The following CAMK4 variants were observed in gnomAD, a reference collection of about 807,000 sequenced individuals.
The protein encoded by CAMK4 is calcium/calmodulin-dependent protein kinase type IV.
In CAMK4, 22 loss-of-function variants were observed where a neutral mutation model predicts 44.9. That is an observed-to-expected ratio of 0.49 (90% CI 0.35 to 0.70). The LOEUF (loss-of-function observed/expected upper bound fraction) is 0.70. Ranked by LOEUF, CAMK4 falls within the 30% of genes least tolerant of loss-of-function variation. CAMK4 has a pLI of 0.01. For missense variants in CAMK4, 498 were observed against 586.8 expected (o/e 0.85, Z 1.56); for synonymous variants, 218 against 215.4 (o/e 1.01, Z -0.11).
At position 111,338,725 on chromosome 5, in the gene CAMK4, T is replaced by C. The variant is rs151212355; in HGVS notation, c.162-5299T>C. On this transcript the variant is annotated intron_variant, in intron 1 of 10. Transcript: ENST00000282356. ...CCATTTATTGAATAGGGAGAACTTT[T>C]CCCATTGCTTGCTTTTGTCGAATTG... Among the ~76,000 whole-genome samples the C allele has an allele frequency of 6.1e-3, 920 of 151,462 alleles. 5 individuals are homozygous for C. The highest frequency in any genetic ancestry group is 0.021 in the African/African-American group (890 of 41,448).
intron 1 of CAMK4, among the ~76,000 whole-genome samples, chr5:111,256,243 G>A (rs946871452): frequency 1.3e-5 from 2 of 152,200 alleles, no homozygotes; most frequent in Non-Finnish European, 2.9e-5. Context: ...TAGAGGTAGA[G>A]AACAAATTAG....
At chr5:111,256,743 T>C (rs898100483) in intron 1 of CAMK4, among the ~76,000 whole-genome samples, 1 of 152,200 alleles carries the variant, frequency 6.6e-6, no homozygotes. Context: ...AAGCTGTTTA[T>C]AGCTTCTAAT....
chr5:111,331,373 A>T (rs1178155242), intron 1 of CAMK4, among the ~76,000 whole-genome samples: 1 of 151,766 alleles, frequency 6.6e-6, no homozygotes, highest in Non-Finnish European at 1.5e-5. Context: ...AAATTAAATC[A>T]CAATATGACA....
At chr5:111,480,191 T>A (rs1755384047) in intron 9 of CAMK4, among the ~76,000 whole-genome samples, 1 of 150,652 alleles carries the variant, frequency 6.6e-6, no homozygotes, top group African/African-American at 2.5e-5. Context: ...ATGGCTCTTC[T>A]GCTCTGTAAT....
chr5:111,274,031 T>C (rs938463521), intron 1 of CAMK4, among the ~76,000 whole-genome samples: 8 of 152,006 alleles, frequency 5.3e-5, no homozygotes, highest in African/African-American at 1.7e-4. Context: ...ACCTCATCTC[T>C]CATTGCATCC....
chr5:111,356,774 T>C (rs1373278425), intron 2 of CAMK4, among the ~76,000 whole-genome samples: 2 of 152,200 alleles, frequency 1.3e-5, no homozygotes, highest in Non-Finnish European at 2.9e-5. Context: ...CTTTCCCCAT[T>C]TCTTGTTTTT....
chr5:111,302,020 T>A (rs189974737), intron 1 of CAMK4, among the ~76,000 whole-genome samples: 2 of 152,364 alleles, frequency 1.3e-5, no homozygotes, highest in East Asian at 3.9e-4. Context: ...GGATGTTTGC[T>A]GAAGGGTAAA....
intron 1 of CAMK4, among the ~76,000 whole-genome samples, chr5:111,266,717 G>A (rs1440066633): frequency 6.6e-6 from 1 of 152,198 alleles, no homozygotes; most frequent in African/African-American, 2.4e-5. Flanking sequence ...AAGCCCTGTG[G>A]CATATGGTTT....
intron 8 of CAMK4, among the ~76,000 whole-genome samples, chr5:111,476,665 T>C (rs545439746): frequency 6.6e-5 from 10 of 152,092 alleles, no homozygotes; most frequent in Non-Finnish European, 1.2e-4. Flanking sequence ...AGGCTGAAAA[T>C]GAAGGCCATT....
At chr5:111,273,322 C>T (rs552061662) in intron 1 of CAMK4, among the ~76,000 whole-genome samples, 1 of 151,922 alleles carries the variant, frequency 6.6e-6, no homozygotes, top group South Asian at 2.1e-4. Context: ...CATACACACA[C>T]ATTCACAAAG....
chr5:111,402,994 C>T (rs1270758482), intron 5 of CAMK4, among the ~76,000 whole-genome samples: 1 of 152,130 alleles, frequency 6.6e-6, no homozygotes, highest in Non-Finnish European at 1.5e-5. Context: ...AGATACTGAA[C>T]CGTTTTTTCA....
chr5:111,269,706 G>T (rs918645143), intron 1 of CAMK4, among the ~76,000 whole-genome samples: 1 of 152,082 alleles, frequency 6.6e-6, no homozygotes, highest in Non-Finnish European at 1.5e-5. Flanking sequence ...GAAACCTGTG[G>T]ACTCCCTGCA....
chr5:111,247,508 A>C (rs1411258191), intron 1 of CAMK4, among the ~76,000 whole-genome samples: 1 of 149,690 alleles, frequency 6.7e-6, no homozygotes, highest in Non-Finnish European at 1.5e-5. Flanking sequence ...ATAACCTTAT[A>C]AATATTATTT....
intron 1 of CAMK4, among the ~76,000 whole-genome samples, chr5:111,228,509 G>GGGGGGTGTGT (rs1554053042): frequency 1.4e-5 from 2 of 145,254 alleles, no homozygotes; most frequent in East Asian, 4.0e-4. Flanking sequence ...CATAGTAAGG[G>GGGGGGTGTGT]GTGTGTGTGT....
Position 111,473,609 on chromosome 5 carries a change from C to T in CAMK4, c.701+223C>T, listed in dbSNP as rs542809622. ...ATTCTTGTCCAGGGCTTTCCTATGT[C>T]TATATCCACTATGTAATATACAGCA... On this transcript the variant is annotated intron_variant, in intron 8 of 10. Transcript: ENST00000282356. Among the ~76,000 whole-genome samples the T allele has an allele frequency of 3.3e-5, 5 of 152,280 alleles. No individual in the cohort carries two copies. The South Asian group carries it at 1.0e-3, about 32-fold the overall frequency.
intron 7 of CAMK4, among the ~76,000 whole-genome samples, chr5:111,465,658 G>A (rs542699054): frequency 6.6e-6 from 1 of 152,262 alleles, no homozygotes; most frequent in South Asian, 2.1e-4. Flanking sequence ...AAACCAGGAA[G>A]AAATAGAAAC....
chr5:111,368,330 T>G (rs1750875197), intron 2 of CAMK4, among the ~76,000 whole-genome samples: 3 of 152,112 alleles, frequency 2.0e-5, no homozygotes, highest in Admixed American at 1.3e-4. Flanking sequence ...TTGACAGTTA[T>G]TTTCTAGGAA....
intron 1 of CAMK4, among the ~76,000 whole-genome samples, chr5:111,232,527 C>A (rs1489542108): frequency 6.6e-6 from 1 of 151,972 alleles, no homozygotes; most frequent in East Asian, 1.9e-4. Flanking sequence ...ATTGCAATGG[C>A]AGATTGGGTC....
chr5:111,354,278 T>C (rs543518349), intron 2 of CAMK4, among the ~76,000 whole-genome samples: 2 of 152,140 alleles, frequency 1.3e-5, no homozygotes, highest in Admixed American at 1.3e-4. Context: ...TTATCAGGGA[T>C]TGAGTGCAGG....
Sources: allele counts gnomAD v4.1 joint callset (sites outside exome capture counted in the v4.1 genomes callset), GRCh38; gene constraint gnomAD v4.1.1; transcripts MANE v1.5; gene names NCBI Gene and HGNC (gene_info 2026-07-23, HGNC 2026-07-21).